The following RBFOX1 variants were observed in gnomAD, a reference collection of about 807,000 sequenced individuals.
The protein encoded by RBFOX1 is RNA binding fox-1 homolog 1.
A neutral mutation model predicts 57.7 loss-of-function variants in RBFOX1; 8 were observed. The ratio of observed to expected loss-of-function variants is 0.14; its 90% CI spans 0.08 to 0.25. The LOEUF (loss-of-function observed/expected upper bound fraction) is 0.25. RBFOX1 is among the 10% of genes least tolerant of loss of function. The pLI, the probability that RBFOX1 is intolerant of heterozygous loss-of-function variation, is 1.00. For synonymous variants in RBFOX1, 326 were observed against 222.4 expected (o/e 1.47, Z -4.15); for missense variants, 611 against 548.5 (o/e 1.11, Z -1.14).
At chr16:6,897,083 G>A (rs2067122689) in intron 3 of RBFOX1, among the ~76,000 whole-genome samples, 1 of 152,112 alleles carries the variant, frequency 6.6e-6, no homozygotes, top group Non-Finnish European at 1.5e-5. Context: ...CCTGAGGAAG[G>A]GAGCAATGGA....
intron 2 of RBFOX1, among the ~76,000 whole-genome samples, chr16:6,406,153 C>T (rs1037842935): frequency 2.0e-5 from 3 of 152,212 alleles, no homozygotes; most frequent in Non-Finnish European, 4.4e-5. Flanking sequence ...TACAAGATGG[C>T]AACACTCAAT....
At chr16:5,925,473 G>T (rs13330326) in intron 4 of RBFOX1, among the ~76,000 whole-genome samples, 24,628 of 152,120 alleles carry the variant, frequency 0.16, 2,469 homozygotes, top group Non-Finnish European at 0.23. Context: ...GAAACAGAAA[G>T]TAGATTAATG....
At chr16:5,483,019 C>G (rs1390365143) in intron 2 of RBFOX1, among the ~76,000 whole-genome samples, 2 of 152,234 alleles carry the variant, frequency 1.3e-5, no homozygotes, top group Non-Finnish European at 2.9e-5. Context: ...AAACTGTCAT[C>G]TATCGCAGTC....
At chr16:7,055,225 T>G (rs1440787014) in intron 4 of RBFOX1, among the ~76,000 whole-genome samples, 1 of 152,188 alleles carries the variant, frequency 6.6e-6, no homozygotes, top group Non-Finnish European at 1.5e-5. Flanking sequence ...TATACAACGT[T>G]TTTCTAACTC....
At chr16:5,535,725 T>C (rs2044667723) in intron 2 of RBFOX1, among the ~76,000 whole-genome samples, 1 of 152,230 alleles carries the variant, frequency 6.6e-6, no homozygotes, top group South Asian at 2.1e-4. Context: ...TCTGTTTCCC[T>C]ATCAAGCCAA....
chr16:6,796,861 T>A (rs1288561144), intron 3 of RBFOX1, among the ~76,000 whole-genome samples: 3 of 152,196 alleles, frequency 2.0e-5, no homozygotes, highest in Non-Finnish European at 1.5e-5. Context: ...ATAAGTTGCA[T>A]GATGACTGCT....
At chr16:5,581,250 A>G (rs956758958) in intron 2 of RBFOX1, among the ~76,000 whole-genome samples, 5 of 152,174 alleles carry the variant, frequency 3.3e-5, no homozygotes, top group African/African-American at 9.7e-5. Flanking sequence ...GTATTTTGTC[A>G]TGTGCCAGGG....
At chr16:6,819,029 A>T (rs998680351) in intron 3 of RBFOX1, among the ~76,000 whole-genome samples, 1 of 152,204 alleles carries the variant, frequency 6.6e-6, no homozygotes, top group African/African-American at 2.4e-5. Context: ...AGTAACAGAG[A>T]TGGACTATCA....
intron 2 of RBFOX1, among the ~76,000 whole-genome samples, chr16:6,419,203 C>G (rs989700690): frequency 1.3e-5 from 2 of 152,128 alleles, no homozygotes; most frequent in East Asian, 1.9e-4. Flanking sequence ...AGACCTAATT[C>G]GAATGCCCCC....
chr16:6,941,759 A>C (rs1437704680), intron 3 of RBFOX1, among the ~76,000 whole-genome samples: 1 of 152,192 alleles, frequency 6.6e-6, no homozygotes, highest in Non-Finnish European at 1.5e-5. Flanking sequence ...TATACCAAGC[A>C]AGAGGTAGAA....
At chr16:7,479,099 A>G (rs1352903562) in intron 4 of RBFOX1, among the ~76,000 whole-genome samples, 1 of 142,516 alleles carries the variant, frequency 7.0e-6, no homozygotes, top group African/African-American at 2.6e-5. Context: ...TGGGAAGTGG[A>G]TCAAAACCCA....
At chr16:7,060,351 G>T (rs1164511029) in intron 4 of RBFOX1, among the ~76,000 whole-genome samples, 1 of 152,038 alleles carries the variant, frequency 6.6e-6, no homozygotes, top group Non-Finnish European at 1.5e-5. Flanking sequence ...GGTTAATGAG[G>T]GATTTTTATC....
chr16:7,024,807 T>C (rs117042638), intron 3 of RBFOX1, among the ~76,000 whole-genome samples: 6,959 of 152,290 alleles, frequency 0.046, 241 homozygotes, highest in Non-Finnish European at 0.07. Flanking sequence ...CTCTGGACCC[T>C]GTTGGATGTT....
chr16:7,423,345 T>C (rs912845285), intron 4 of RBFOX1, among the ~76,000 whole-genome samples: 21 of 151,434 alleles, frequency 1.4e-4, no homozygotes, highest in African/African-American at 5.1e-4. Context: ...CTTGCAAAAA[T>C]ATAAAAAGTT....
chr16:5,986,387 T>C (rs1234101556), intron 4 of RBFOX1, among the ~76,000 whole-genome samples: 5 of 152,228 alleles, frequency 3.3e-5, no homozygotes, highest in African/African-American at 4.8e-5. Flanking sequence ...ATTGAGTCAA[T>C]TGTACATTCA....
intron 2 of RBFOX1, among the ~76,000 whole-genome samples, chr16:6,601,368 G>A (rs549699750): frequency 6.6e-6 from 1 of 152,212 alleles, no homozygotes; most frequent in African/African-American, 2.4e-5. Context: ...ATATTTAATG[G>A]AGATGAAGGT....
chr16:6,102,166 C>A (rs2096318698), intron 1 of RBFOX1, among the ~76,000 whole-genome samples: 1 of 136,494 alleles, frequency 7.3e-6, no homozygotes, highest in African/African-American at 2.9e-5. Flanking sequence ...GGTAATCTTC[C>A]CTCTTTCAGC....
chr16:6,928,244 G>A (rs79536371), intron 3 of RBFOX1, among the ~76,000 whole-genome samples: 1,694 of 152,310 alleles, frequency 0.011, 56 homozygotes, highest in East Asian at 0.11. Flanking sequence ...TAATTGGTCT[G>A]AGGATCCCTG....
At chr16:6,399,101 C>T (rs553588059) in intron 2 of RBFOX1, among the ~76,000 whole-genome samples, 1 of 152,324 alleles carries the variant, frequency 6.6e-6, no homozygotes, top group South Asian at 2.1e-4. Flanking sequence ...GGGCTTGCAC[C>T]CTCTGAAGCA....
Sources: allele counts gnomAD v4.1 joint callset (sites outside exome capture counted in the v4.1 genomes callset), GRCh38; gene constraint gnomAD v4.1.1; transcripts MANE v1.5; gene names NCBI Gene and HGNC (gene_info 2026-07-23, HGNC 2026-07-21).